Variants in SLC24A3 observed in about 807,000 individuals in gnomAD.
The protein encoded by SLC24A3 is sodium/potassium/calcium exchanger 3.
In SLC24A3, 28 loss-of-function variants were observed where a neutral mutation model predicts 75.8. That is an observed-to-expected ratio of 0.37 (90% CI 0.27 to 0.51). The LOEUF (loss-of-function observed/expected upper bound fraction) is 0.51, where lower values mean the gene tolerates loss of function less well. Ranked by LOEUF, SLC24A3 falls within the 20% of genes least tolerant of loss-of-function variation. SLC24A3 has a pLI of 0.94. For synonymous variants in SLC24A3, 372 were observed against 334.1 expected (o/e 1.11, Z -1.24); for missense variants, 663 against 847.8 (o/e 0.78, Z 2.71).
chr20:19,664,943 A>G (rs1293353668), intron 7 of SLC24A3, among the ~76,000 whole-genome samples: 2 of 152,230 alleles, frequency 1.3e-5, no homozygotes, highest in East Asian at 3.8e-4. Context: ...CAGCAAATGG[A>G]GCAAGCCTAG....
At chr20:19,572,438 A>G (rs116579904) in intron 3 of SLC24A3, among the ~76,000 whole-genome samples, 3,957 of 152,242 alleles carry the variant, frequency 0.026, 177 homozygotes, top group African/African-American at 0.089. Context: ...CAGCTGGGAA[A>G]CTCTGGAGAC....
In SLC24A3 at chr20:19,372,894, G is replaced by A. The variant is rs190687013; in HGVS notation, c.271+91807G>A. 7.9e-5 allele frequency among the ~76,000 whole-genome samples: 12 copies of A among 152,238 alleles called. No individual in the cohort carries two copies. In the East Asian group the frequency reaches 1.7e-3, roughly 22 times the overall value. ...AGATTTAATCAGGTGGCATCAGAAGGCAAATATATGGACCTGTCTAATGGA... is the reference window on the plus strand; with the variant it reads ...AGATTTAATCAGGTGGCATCAGAAGACAAATATATGGACCTGTCTAATGGA... On this transcript the variant is annotated intron_variant, in intron 2 of 16. Transcript: ENST00000328041.
At chr20:19,352,390 A>G (rs1441831903) in intron 2 of SLC24A3, among the ~76,000 whole-genome samples, 1 of 152,148 alleles carries the variant, frequency 6.6e-6, no homozygotes, top group African/African-American at 2.4e-5. Context: ...GCCAGCACCA[A>G]CGGCAGCAAC....
At chr20:19,545,680 G>A (rs993029082) in intron 3 of SLC24A3, among the ~76,000 whole-genome samples, 15 of 152,184 alleles carry the variant, frequency 9.9e-5, no homozygotes, top group African/African-American at 2.9e-4. Context: ...ATATCCTGCA[G>A]TATTTTCCCA....
chr20:19,698,015 G>T (rs890797902), intron 14 of SLC24A3, among the ~76,000 whole-genome samples: 3 of 152,186 alleles, frequency 2.0e-5, no homozygotes, highest in Admixed American at 6.5e-5. Context: ...GCCAGCATCT[G>T]CTCGGCTTCT....
intron 2 of SLC24A3, among the ~76,000 whole-genome samples, chr20:19,477,932 C>T (rs930237879): frequency 6.6e-6 from 1 of 152,192 alleles, no homozygotes; most frequent in Non-Finnish European, 1.5e-5. Context: ...TCACAAAGGA[C>T]AGTCTATACT....
intron 6 of SLC24A3, among the ~76,000 whole-genome samples, chr20:19,624,812 G>A (rs1269873518): frequency 6.6e-6 from 1 of 152,226 alleles, no homozygotes; most frequent in Non-Finnish European, 1.5e-5. Flanking sequence ...CCCACTCATT[G>A]AGTTCTGATT....
At chr20:19,622,969 G>A (rs546750180) in intron 6 of SLC24A3, among the ~76,000 whole-genome samples, 2 of 152,094 alleles carry the variant, frequency 1.3e-5, no homozygotes, top group African/African-American at 4.8e-5. Context: ...AACTAATAAA[G>A]TGAGACTCAC....
intron 2 of SLC24A3, among the ~76,000 whole-genome samples, chr20:19,301,817 C>G (rs1984202960): frequency 6.6e-6 from 1 of 152,172 alleles, no homozygotes; most frequent in African/African-American, 2.4e-5. Flanking sequence ...TAAAAATCAG[C>G]CTCCTGTTAT....
intron 2 of SLC24A3, among the ~76,000 whole-genome samples, chr20:19,296,268 CTT>C (rs35229035): frequency 2.2e-4 from 16 of 72,296 alleles, no homozygotes; most frequent in South Asian, 1.7e-3. Flanking sequence ...AGCTAGTGGT[CTT>C]TTTTTTTTTT....
At chr20:19,333,144 G>T (rs1202054503) in intron 2 of SLC24A3, among the ~76,000 whole-genome samples, 1 of 152,192 alleles carries the variant, frequency 6.6e-6, no homozygotes, top group South Asian at 2.1e-4. Flanking sequence ...CACACTTCAA[G>T]CCATGTGGCT....
At position 19,289,598 on chromosome 20, in the gene SLC24A3, A is replaced by G. The variant is rs187123007; in HGVS notation, c.271+8511A>G. Among the ~76,000 whole-genome samples, 6 of 152,180 alleles carry G rather than the reference A, an allele frequency of 3.9e-5. No homozygotes were observed. The East Asian group carries it at 1.2e-3, about 30-fold the overall frequency. On this transcript the variant is annotated intron_variant, in intron 2 of 16. Transcript: ENST00000328041. The stretch of plus-strand genomic sequence containing the variant: ...GAGTGGAGAGCCTGCAAGAGAAGTC[A>G]CCTCCTGGTCCCAACACACCTCTCG...
Position 19,585,462 on chromosome 20 carries a change from A to G in SLC24A3, c.530A>G (p.Asp177Gly). ...TCAGGGGTCTTCATCACCAAAGGCG[A>G]TGTGGGAGTTGGCACCATCGTGGGC... ...SVIGVFITKG[D>G]VGVGTIVGSA... Residue 177 changes from aspartate to glycine, a missense_variant, in exon 6 of 17, where the codon GAT becomes GGT. Asp to Gly is a moderately conservative substitution (Grantham distance 94). Transcript: ENST00000328041. 1 of 1,614,138 alleles carries G rather than the reference A, an allele frequency of 6.2e-7. No individual in the cohort carries two copies. The highest frequency in any genetic ancestry group is 8.5e-7 in the Non-Finnish European group (1 of 1,180,010).
intron 2 of SLC24A3, among the ~76,000 whole-genome samples, chr20:19,419,030 A>G (rs1417011588): frequency 1.3e-5 from 2 of 152,256 alleles, no homozygotes; most frequent in Non-Finnish European, 1.5e-5. Context: ...ATTATTTTGA[A>G]AGCTGATAAA....
rs11476234 is a variant in SLC24A3 at position 19,503,028 on chromosome 20, GAA to G, written c.272-12443_272-12442del. On this transcript the variant is annotated intron_variant, in intron 2 of 16. Coordinates refer to ENST00000328041, the MANE Select transcript of SLC24A3 (RefSeq NM_020689.4). ...GGCAACAGAGTGAGACCTTGTCTCA[GAA>G]AAAAAAAAAAAAAAAATACTAGATA... Among the ~76,000 whole-genome samples, 371 of 109,562 alleles carry G rather than the reference GAA, an allele frequency of 3.4e-3. 1 individual carries two copies. Among genetic ancestry groups the G allele is most frequent in the African/African-American group, 8.5e-3 (259 of 30,512 alleles). The allele number at this position is 109,562 out of a possible 152,430, so 71.9% of individuals were successfully genotyped here.
chr20:19,700,015 G>C lies in SLC24A3; in HGVS notation c.1719+1335G>C, dbSNP rs113322978. Among the ~76,000 whole-genome samples the C allele has an allele frequency of 1.1e-4, 17 of 152,322 alleles. 1 individual carries two copies. The highest frequency in any genetic ancestry group is 4.1e-4 in the African/African-American group (17 of 41,582). ...AATGTCATCAATTGTAGCATCCCAA[G>C]GGTCACATTCACAGGGGTTGGCCAA... On this transcript the variant is annotated intron_variant, in intron 15 of 16. Transcript: ENST00000328041.
intron 2 of SLC24A3, 73 bp from the exon 3 acceptor site, chr20:19,515,413 ACC>A: frequency 6.3e-6 from 9 of 1,420,282 alleles, no homozygotes; most frequent in Non-Finnish European, 8.9e-6. Flanking sequence ...CCATGTTAAA[ACC>A]AAGACTCCCA....
chr20:19,408,757 G>A (rs76755795), intron 2 of SLC24A3, among the ~76,000 whole-genome samples: 3,387 of 152,178 alleles, frequency 0.022, 47 homozygotes, highest in Non-Finnish European at 0.033. Flanking sequence ...TATGTCATTA[G>A]GAGAGATTCC....
In SLC24A3 at chr20:19,684,306, C is replaced by G; in HGVS notation, c.1032C>G (p.Leu344=). The change falls in exon 11 of 17, where the codon CTC becomes CTG. Residue 344 remains leucine (L), a synonymous_variant. Coordinates refer to ENST00000328041, the MANE Select transcript of SLC24A3 (RefSeq NM_020689.4). ...ITSHFPPKTR[L]SMASRMLINE... is the part of the protein sequence containing the mutation. Reference sequence around the variant, plus strand: ...GCCACTTTCCCCCCAAGACCCGGCTCTCCATGGCCAGTCGCATGTTGATCA... The same window carrying G: ...GCCACTTTCCCCCCAAGACCCGGCTGTCCATGGCCAGTCGCATGTTGATCA... 1.2e-6 allele frequency: 2 copies of G among 1,614,088 alleles called. No homozygotes were observed. The highest frequency in any genetic ancestry group is 1.1e-5 in the South Asian group (1 of 91,074).
Sources: gnomAD v4.1 joint callset for allele counts (sites outside exome capture counted in the v4.1 genomes callset) on GRCh38, gnomAD v4.1.1 for gene constraint, MANE v1.5 for transcripts, NCBI Gene and HGNC (gene_info 2026-07-23, HGNC 2026-07-21) for gene names.